CADM2: variants seen among roughly 807,000 people sequenced by gnomAD.
The protein encoded by CADM2 is cell adhesion molecule 2.
In CADM2, 12 loss-of-function variants were observed where a neutral mutation model predicts 49.8. That is an observed-to-expected ratio of 0.24 (90% CI 0.15 to 0.39). The LOEUF (loss-of-function observed/expected upper bound fraction) is 0.39. CADM2 is among the 10% of genes least tolerant of loss of function. CADM2 has a pLI of 1.00. For missense variants in CADM2, 378 were observed against 492.3 expected, an observed-to-expected ratio of 0.77 and a Z score of 2.20; for synonymous variants, 214 against 175.4, an observed-to-expected ratio of 1.22 and a Z score of -1.74.
intron 1 of CADM2, among the ~76,000 whole-genome samples, chr3:85,473,105 C>T (rs564762004): frequency 9.2e-5 from 14 of 152,042 alleles, no homozygotes; most frequent in Non-Finnish European, 1.2e-4. Flanking sequence ...ACATTTATTT[C>T]GTTGAATTTA....
At chr3:85,007,699 G>A (rs2033802053) in intron 1 of CADM2, among the ~76,000 whole-genome samples, 2 of 152,098 alleles carry the variant, frequency 1.3e-5, no homozygotes, top group South Asian at 2.1e-4. Flanking sequence ...ACCACAATGC[G>A]TTTACTGTGG....
At chr3:85,066,852 G>T (rs556309256) in intron 1 of CADM2, among the ~76,000 whole-genome samples, 1 of 152,098 alleles carries the variant, frequency 6.6e-6, no homozygotes. Context: ...TTACCTTAAG[G>T]TATATTTTCC....
chr3:85,815,392 C>G (rs1392970781), intron 3 of CADM2, among the ~76,000 whole-genome samples: 1 of 152,100 alleles, frequency 6.6e-6, no homozygotes, highest in East Asian at 1.9e-4. Context: ...AAAAGCTTAT[C>G]CACCATGATC....
At chr3:85,121,244 G>A (rs1028282867) in intron 1 of CADM2, among the ~76,000 whole-genome samples, 2 of 152,210 alleles carry the variant, frequency 1.3e-5, no homozygotes, top group African/African-American at 4.8e-5. Flanking sequence ...GTCATTTTGA[G>A]ATGTGAGCAA....
intron 1 of CADM2, among the ~76,000 whole-genome samples, chr3:85,241,650 G>C (rs1385798559): frequency 1.3e-5 from 2 of 151,422 alleles, no homozygotes; most frequent in Non-Finnish European, 3.0e-5. Context: ...ACTAAACTTA[G>C]TAGATACATT....
chr3:85,277,374 C>A (rs968799711), intron 1 of CADM2, among the ~76,000 whole-genome samples: 2 of 151,308 alleles, frequency 1.3e-5, no homozygotes, highest in African/African-American at 2.4e-5. Flanking sequence ...AAGATTCATT[C>A]TTTAGCTCTT....
chr3:85,566,111 C>T (rs1278941466), intron 1 of CADM2, among the ~76,000 whole-genome samples: 1 of 152,090 alleles, frequency 6.6e-6, no homozygotes, highest in East Asian at 1.9e-4. Flanking sequence ...GATCCAAATA[C>T]TGCTAATACA....
chr3:85,691,442 G>A (rs891146912), intron 1 of CADM2, among the ~76,000 whole-genome samples: 9 of 152,016 alleles, frequency 5.9e-5, no homozygotes, highest in African/African-American at 9.7e-5. Flanking sequence ...GAAAATCTAG[G>A]CTGCTTGTTC....
chr3:85,489,360 C>A (rs1323344037), intron 1 of CADM2, among the ~76,000 whole-genome samples: 3 of 152,114 alleles, frequency 2.0e-5, no homozygotes, highest in Non-Finnish European at 2.9e-5. Context: ...CACTGTATCT[C>A]TTTAGACTGA....
At chr3:85,637,100 C>A (rs1427687524) in intron 1 of CADM2, among the ~76,000 whole-genome samples, 1 of 152,046 alleles carries the variant, frequency 6.6e-6, no homozygotes, top group Non-Finnish European at 1.5e-5. Context: ...TGGTACCTGG[C>A]ATGATTAAAT....
At chr3:85,258,242 C>A (rs765595340) in intron 1 of CADM2, among the ~76,000 whole-genome samples, 11 of 152,106 alleles carry the variant, frequency 7.2e-5, no homozygotes, top group Admixed American at 5.9e-4. Flanking sequence ...AGGAGGCTGT[C>A]TTTGCAGCAT....
At chr3:85,744,469 A>G (rs1037973371) in intron 2 of CADM2, among the ~76,000 whole-genome samples, 1 of 152,112 alleles carries the variant, frequency 6.6e-6, no homozygotes, top group Non-Finnish European at 1.5e-5. Flanking sequence ...AATATCTCAT[A>G]TAACCCATAA....
At chr3:85,686,688 G>A (rs544702623) in intron 1 of CADM2, among the ~76,000 whole-genome samples, 92 of 152,254 alleles carry the variant, frequency 6.0e-4, no homozygotes, top group African/African-American at 2.1e-3. Context: ...AAGCTAAAGA[G>A]AAGAGTCAAC....
intron 3 of CADM2, among the ~76,000 whole-genome samples, chr3:85,823,024 G>A (rs2073685722): frequency 6.6e-6 from 1 of 152,108 alleles, no homozygotes; most frequent in Non-Finnish European, 1.5e-5. Context: ...GATCTTTAAA[G>A]ATACCAAATA....
intron 1 of CADM2, among the ~76,000 whole-genome samples, chr3:85,035,047 C>T (rs560291343): frequency 1.2e-4 from 19 of 152,002 alleles, no homozygotes; most frequent in African/African-American, 4.3e-4. Context: ...GTGGTCTGCC[C>T]GCCTTGGCCT....
chr3:85,158,174 T>G (rs2040200455), intron 1 of CADM2, among the ~76,000 whole-genome samples: 1 of 152,078 alleles, frequency 6.6e-6, no homozygotes, highest in Non-Finnish European at 1.5e-5. Context: ...TGGCAATCAT[T>G]AAAAAGTCAG....
At chr3:85,153,501 A>G (rs7642449) in intron 1 of CADM2, among the ~76,000 whole-genome samples, 34,002 of 152,134 alleles carry the variant, frequency 0.22, 6,440 homozygotes, top group African/African-American at 0.52. Flanking sequence ...AAGCGGCAGC[A>G]AGGCTGGGGG....
intron 1 of CADM2, among the ~76,000 whole-genome samples, chr3:85,175,561 G>A (rs1559703793): frequency 1.3e-5 from 2 of 152,134 alleles, no homozygotes; most frequent in East Asian, 3.9e-4. Flanking sequence ...AATTCAGAAA[G>A]AAGGTGGTTA....
chr3:85,460,648 A>G (rs890233605), intron 1 of CADM2, among the ~76,000 whole-genome samples: 5 of 152,104 alleles, frequency 3.3e-5, no homozygotes, highest in Non-Finnish European at 5.9e-5. Context: ...TCTTGTTAAT[A>G]GTACATAGGA....
Sources: gnomAD v4.1 joint callset for allele counts (sites outside exome capture counted in the v4.1 genomes callset) on GRCh38, gnomAD v4.1.1 for gene constraint, MANE v1.5 for transcripts, NCBI Gene and HGNC (gene_info 2026-07-23, HGNC 2026-07-21) for gene names.